Variants in DAB1 observed in about 807,000 individuals in gnomAD.
The protein encoded by DAB1 is disabled homolog 1.
DAB1 carries 15 observed loss-of-function variants against 64.6 expected under a neutral mutation model. The ratio of observed to expected loss-of-function variants is 0.23; its 90% CI spans 0.16 to 0.36. The LOEUF (loss-of-function observed/expected upper bound fraction) is 0.36, where lower values mean the gene tolerates loss of function less well. Ranked by LOEUF, DAB1 falls within the 10% of genes least tolerant of loss-of-function variation. The probability of loss-of-function intolerance (pLI) is 1.00; values close to 1 mark genes in which losing one functional copy is unlikely to be tolerated. For synonymous variants in DAB1, 235 were observed against 251.9 expected (o/e 0.93, Z 0.64); for missense variants, 596 against 706.7 (o/e 0.84, Z 1.78).
intron 2 of DAB1, among the ~76,000 whole-genome samples, chr1:57,229,447 A>G (rs1667510450): frequency 6.6e-6 from 1 of 152,006 alleles, no homozygotes; most frequent in Admixed American, 6.6e-5. Flanking sequence ...TGCCTGCCTC[A>G]GCCTCCCAAA....
At position 57,999,179 on chromosome 1, in the gene DAB1, A is replaced by G. The variant is rs191254443; in HGVS notation, n.388-115017T>C. ...ATCTGCTATCATGGGCCAGGGTCCT[A>G]TGCTAAGTATCTTAAATACATCGTT... On this transcript the variant is annotated intron_variant and non_coding_transcript_variant, in intron 5 of 20. Transcript: ENST00000485760. Among the ~76,000 whole-genome samples, 220 of 152,306 alleles carry G rather than the reference A, an allele frequency of 1.4e-3. 1 individual carries two copies. Among genetic ancestry groups the G allele is most frequent in the African/African-American group, 5.0e-3 (208 of 41,560 alleles).
At chr1:58,118,451 C>T (rs1652480762) in intron 5 of DAB1, among the ~76,000 whole-genome samples, 1 of 71,154 alleles carries the variant, frequency 1.4e-5, no homozygotes, top group African/African-American at 6.5e-5. Context: ...CTTCATGATG[C>T]CAGGCACTAT....
At chr1:57,341,531 C>A (rs1677585312) in intron 1 of DAB1, among the ~76,000 whole-genome samples, 1 of 152,218 alleles carries the variant, frequency 6.6e-6, no homozygotes, top group Non-Finnish European at 1.5e-5. Context: ...ATTTCTAACC[C>A]CCTGAATTTG....
chr1:57,724,267 A>AAAGGAAGGAAGGAAGGAACG (rs1647181992), intron 6 of DAB1, among the ~76,000 whole-genome samples: 1 of 130,184 alleles, frequency 7.7e-6, no homozygotes, highest in Non-Finnish European at 1.6e-5. Context: ...AGGGAGGGAA[A>AAAGGAAGGAAGGAAGGAACG]AAGGAAGGAA....
At chr1:57,018,456 C>G (rs1646504756) in intron 11 of DAB1, among the ~76,000 whole-genome samples, 1 of 152,106 alleles carries the variant, frequency 6.6e-6, no homozygotes, top group Non-Finnish European at 1.5e-5. Flanking sequence ...TTTCTTTCTG[C>G]CTTATACTAC....
In DAB1 at chr1:57,071,533, C is replaced by T. The variant is rs767701683; in HGVS notation, c.547G>A (p.Ala183Thr). The T allele has an allele frequency of 6.2e-7, 1 of 1,613,546 alleles. No individual in the cohort carries two copies. The highest frequency in any genetic ancestry group is 8.5e-7 in the Non-Finnish European group (1 of 1,179,828). ...KAQKDKQCEQ[A>T]VYQTILEEDV... Reference sequence around the variant, plus strand: ...ATTCACAGGTATACCTGGTACACAGCTTGTTCACACTGCTTATCCTTTTGT... The same window carrying T: ...ATTCACAGGTATACCTGGTACACAGTTTGTTCACACTGCTTATCCTTTTGT... Residue 183 changes from alanine to threonine, a missense_variant, in exon 6 of 15, where the codon GCT (alanine) becomes ACT (threonine). This residue lies in a region of DAB1 where 176 missense variants were observed against 266.7 expected (regional missense o/e 0.66). Coordinates refer to ENST00000371236, the MANE Select transcript of DAB1 (RefSeq NM_001365792.1).
Position 57,349,018 on chromosome 1 carries a change from T to C in DAB1, c.-136-57852A>G, listed in dbSNP as rs372247210. On this transcript the variant is annotated intron_variant, in intron 1 of 14. Transcript: ENST00000371236. ...AGCCCATTTCCTTCCCAACTGGCAA[T>C]GGAACAAAAAACCTTCCACCTCTCA... 6.2e-4 allele frequency among the ~76,000 whole-genome samples: 94 copies of C among 152,238 alleles called. 1 individual carries two copies. In the South Asian group the frequency reaches 0.016, roughly 26 times the overall value.
chr1:58,419,573 C>T (rs1285864187), intron 3 of DAB1, among the ~76,000 whole-genome samples: 1 of 152,164 alleles, frequency 6.6e-6, no homozygotes, highest in Non-Finnish European at 1.5e-5. Flanking sequence ...CTGTCAGGCT[C>T]CTCTCACATC....
At chr1:58,074,533 TATATATATATACACAC>T (rs1649481480) in intron 5 of DAB1, 2 of 110,372 alleles carry the variant, frequency 1.8e-5, no homozygotes, top group South Asian at 5.7e-4. Flanking sequence ...CATATATATA[TATATATATATACACAC>T]ATATATATAT....
intron 4 of DAB1, among the ~76,000 whole-genome samples, chr1:58,178,618 T>C (rs1656615699): frequency 6.6e-6 from 1 of 152,214 alleles, no homozygotes; most frequent in Admixed American, 6.5e-5. Flanking sequence ...GTAGAAGCTT[T>C]CTGATGTTTT....
chr1:57,958,553 C>G (rs1645444275), intron 5 of DAB1, among the ~76,000 whole-genome samples: 1 of 152,182 alleles, frequency 6.6e-6, no homozygotes, highest in Admixed American at 6.5e-5. Context: ...TAATCTCTTC[C>G]TCTTCCAGAG....
chr1:58,017,926 G>C (rs1646763976), intron 5 of DAB1, among the ~76,000 whole-genome samples: 1 of 152,170 alleles, frequency 6.6e-6, no homozygotes, highest in African/African-American at 2.4e-5. Context: ...ACTGTGCTTG[G>C]CACTTTAATG....
intron 5 of DAB1, among the ~76,000 whole-genome samples, chr1:58,005,657 G>C (rs1418887830): frequency 6.8e-6 from 1 of 146,140 alleles, no homozygotes; most frequent in Non-Finnish European, 1.5e-5. Flanking sequence ...GACTAGATAA[G>C]AATACTGAAC....
intron 7 of DAB1, among the ~76,000 whole-genome samples, chr1:57,488,077 T>A (rs1348307281): frequency 2.6e-5 from 4 of 152,150 alleles, no homozygotes; most frequent in Non-Finnish European, 5.9e-5. Context: ...AAAATGGAAT[T>A]GCTGGATCAA....
intron 2 of DAB1, among the ~76,000 whole-genome samples, chr1:57,275,490 T>C (rs2764664): frequency 0.57 from 86,826 of 152,008 alleles, 26,215 homozygotes; most frequent in African/African-American, 0.76. Context: ...GTTTAAAATT[T>C]GAATCCTTTA....
At chr1:57,726,605 G>T (rs1183587188) in intron 6 of DAB1, among the ~76,000 whole-genome samples, 1 of 152,132 alleles carries the variant, frequency 6.6e-6, no homozygotes, top group African/African-American at 2.4e-5. Context: ...GTTGAAGTCA[G>T]GTGCTGTTCT....
At chr1:58,054,961 A>T (rs1647965029) in intron 5 of DAB1, among the ~76,000 whole-genome samples, 2 of 152,376 alleles carry the variant, frequency 1.3e-5, no homozygotes, top group African/African-American at 4.8e-5. Context: ...ACTCAGCAGC[A>T]GGTGGCCTGA....
At position 57,608,036 on chromosome 1, in the gene DAB1, T is replaced by C. The variant is rs558746698; in HGVS notation, n.625+41556A>G. Among the ~76,000 whole-genome samples, 107 of 152,234 alleles carry C rather than the reference T, an allele frequency of 7.0e-4. 1 individual carries two copies. The South Asian group carries it at 0.022, about 31-fold the overall frequency. On this transcript the variant is annotated intron_variant and non_coding_transcript_variant, in intron 7 of 20. Transcript: ENST00000485760. ...GCCCTTTCTTCTTCCTCTACTCCCATATGCAGCTTATAATACCTGAAGACC... is the reference window on the plus strand; with the variant it reads ...GCCCTTTCTTCTTCCTCTACTCCCACATGCAGCTTATAATACCTGAAGACC...
intron 1 of DAB1, among the ~76,000 whole-genome samples, chr1:58,535,563 T>C (rs1646503178): frequency 7.5e-6 from 1 of 132,906 alleles, no homozygotes; most frequent in Non-Finnish European, 1.5e-5. Context: ...ACCACTGCAG[T>C]ACAGCCTGGG....
Sources: allele counts gnomAD v4.1 joint callset (sites outside exome capture counted in the v4.1 genomes callset), GRCh38; gene constraint gnomAD v4.1.1; regional missense constraint gnomAD v4.1.1; transcripts MANE v1.5; gene names NCBI Gene and HGNC (gene_info 2026-07-23, HGNC 2026-07-21).